The following RRAD variants were observed in gnomAD, a reference collection of about 807,000 sequenced individuals.
The protein encoded by RRAD is RRAD, Ras related glycolysis inhibitor and calcium channel regulator, also known as GTP-binding protein RAD.
Under a neutral mutation model 24.7 loss-of-function variants are expected in RRAD, and 15 were observed. That is an observed-to-expected ratio of 0.61 (90% confidence interval 0.41 to 0.93). RRAD has a LOEUF of 0.93. Among genes scored for constraint, RRAD ranks in the 40% least tolerant of loss-of-function variants. The pLI, the probability that RRAD is intolerant of heterozygous loss-of-function variation, is 0.00. For synonymous variants in RRAD, 180 were observed against 189.8 expected, an observed-to-expected ratio of 0.95 and a Z score of 0.43; for missense variants, 438 against 452.2, an observed-to-expected ratio of 0.97 and a Z score of 0.29.
chr16:66,924,051 G>A lies in RRAD; in HGVS notation c.371-132C>T, dbSNP rs1962956384. The A allele has an allele frequency of 1.1e-5, 8 of 757,934 alleles. No individual in the cohort carries two copies. The highest frequency in any genetic ancestry group is 1.4e-5 in the Non-Finnish European group (6 of 424,248). The allele number at this position is 757,934 out of a possible 1,614,324, so 47.0% of individuals were successfully genotyped here. A position where few individuals can be genotyped will look rare whatever the true frequency, so the allele number is the denominator to read the frequency against. On this transcript the variant is annotated intron_variant, in intron 2 of 4. Transcript: ENST00000299759. This position sits in a 1 kb window ranked among gnomAD's most constrained non-coding sequence, Gnocchi z 4.2. ...CCCTCCACTCCACTTGCAGATGCTG[G>A]TATGTGGCAACAGCAGTGCCAGGCA...
rs375358185 is a variant in RRAD, at chr16:66,923,392, C to T, written c.649+124G>A. On this transcript the variant is annotated intron_variant, in intron 4 of 4. Coordinates refer to ENST00000299759, the MANE Select transcript of RRAD (RefSeq NM_004165.3). This position sits in a 1 kb window ranked among gnomAD's most constrained non-coding sequence, Gnocchi z 4.9. Reference sequence around the variant, plus strand: ...ACCAGCTCTCTCCCATTTCCCTCCCCGCCAGTTTTCTTTCTGAACATTTTT... The same window carrying T: ...ACCAGCTCTCTCCCATTTCCCTCCCTGCCAGTTTTCTTTCTGAACATTTTT... 1.2e-5 allele frequency: 10 copies of T among 808,026 alleles called. No homozygotes were observed. The highest frequency in any genetic ancestry group is 2.6e-5 in the Admixed American group (1 of 39,054). The allele number at this position is 808,026 out of a possible 1,614,324, so 50.1% of individuals were successfully genotyped here.
Position 66,925,149 on chromosome 16 carries a change from C to A in RRAD, c.31G>T (p.Gly11Cys). 1 of 1,228,256 alleles carries A rather than the reference C, an allele frequency of 8.1e-7. No individual in the cohort carries two copies. The highest frequency in any genetic ancestry group is 3.2e-5 in the East Asian group (1 of 31,370). 76.1% of individuals were successfully genotyped at this position (1,228,256 alleles called of 1,614,324 possible). A position where few individuals can be genotyped will look rare whatever the true frequency, so the allele number is the denominator to read the frequency against. The change falls in exon 2 of 5, where the codon GGC (glycine) becomes TGC (cysteine). Residue 11 changes from glycine (G) to cysteine (C), a missense_variant. By Grantham distance (159) the Gly-to-Cys change is radical (BLOSUM62 -3). Coordinates refer to ENST00000299759, the MANE Select transcript of RRAD (RefSeq NM_004165.3). The surrounding 1 kb of genome is among the most constrained non-coding windows in gnomAD (Gnocchi z 5.2). MTLNGGGSGA[G>C]GSRGGGQERE... ...TCCTGGCCCCCACCGCGGCTCCCGC[C>A]CGCTCCGCTGCCGCCGCCGTTCAGG...
In RRAD at chr16:66,924,677, A is replaced by G. The variant is rs1962966276; in HGVS notation, c.370+133T>C. On this transcript the variant is annotated intron_variant, in intron 2 of 4. Coordinates refer to ENST00000299759, the MANE Select transcript of RRAD (RefSeq NM_004165.3). The surrounding 1 kb of genome is among the most constrained non-coding windows in gnomAD (Gnocchi z 4.2). The stretch of plus-strand genomic sequence containing the variant: ...CGAAACTCTGTCTCAAAATAATAAT[A>G]AAATAATAATAATAATAATAATAAC... 1.5e-6 allele frequency: 1 copy of G among 683,380 alleles called. No individual in the cohort carries two copies. The highest frequency in any genetic ancestry group is 3.0e-5 in the African/African-American group (1 of 33,892). The allele number at this position is 683,380 out of a possible 1,614,324, so 42.3% of individuals were successfully genotyped here. A position where few individuals can be genotyped will look rare whatever the true frequency, so the allele number is the denominator to read the frequency against.
chr16:66,924,809 C>T lies in RRAD; in HGVS notation c.370+1G>A. The stretch of plus-strand genomic sequence containing the variant: ...TCCCCTGAACAGCTGGGTCCCCTCA[C>T]CTGCTGCCTCTGCTTCAGGCCCGTC... On this transcript the variant is annotated splice_donor_variant, in intron 2 of 4. Coordinates refer to ENST00000299759, the MANE Select transcript of RRAD (RefSeq NM_004165.3). LOFTEE classifies it high-confidence loss of function. This position sits in a 1 kb window ranked among gnomAD's most constrained non-coding sequence, Gnocchi z 4.2. 1 of 1,549,150 alleles carries T rather than the reference C, an allele frequency of 6.5e-7. No homozygotes were observed. Among genetic ancestry groups the T allele is most frequent in the Non-Finnish European group, 8.7e-7 (1 of 1,147,202 alleles).
chr16:66,923,616 C>A lies in RRAD; in HGVS notation c.549G>T (p.Leu183=). The change falls in exon 4 of 5, where the codon CTG becomes CTT. Residue 183 remains leucine, a synonymous_variant. Coordinates refer to ENST00000299759, the MANE Select transcript of RRAD (RefSeq NM_004165.3). The surrounding 1 kb of genome is among the most constrained non-coding windows in gnomAD (Gnocchi z 4.9). ...DKGSFEKASE[L]RVQLRRARQT... ...GCCGTGCACGCCGCAGCTGGACCCGCAGTTCTGAGGCCTTCTCGAAGCTGC... is the reference window on the plus strand; with the variant it reads ...GCCGTGCACGCCGCAGCTGGACCCGAAGTTCTGAGGCCTTCTCGAAGCTGC... 6.2e-7 allele frequency: 1 copy of A among 1,614,004 alleles called. No individual in the cohort carries two copies. Among genetic ancestry groups the A allele is most frequent in the Non-Finnish European group, 8.5e-7 (1 of 1,180,016 alleles).
chr16:66,925,083 G>A lies in RRAD; in HGVS notation c.97C>T (p.Pro33Ser). 1 of 1,257,176 alleles carries A rather than the reference G, an allele frequency of 8.0e-7. No homozygotes were observed. Among genetic ancestry groups the A allele is most frequent in the Non-Finnish European group, 1.0e-6 (1 of 1,003,510 alleles). The allele number at this position is 1,257,176 out of a possible 1,614,324, so 77.9% of individuals were successfully genotyped here. ...RRGSTPWGPA[P>S]PLHRRSMPVD... ...GGCATGCTGCGGCGGTGCAGCGGCG[G>A]GGCGGGGCCCCAGGGTGTGCTGCCC... Residue 33 changes from proline to serine, a missense_variant, in exon 2 of 5, where the codon CCG (proline) becomes TCG (serine). Coordinates refer to ENST00000299759, the MANE Select transcript of RRAD (RefSeq NM_004165.3). This position sits in a 1 kb window ranked among gnomAD's most constrained non-coding sequence, Gnocchi z 5.2.
chr16:66,921,860 G>C lies in RRAD; in HGVS notation c.*216C>G, dbSNP rs1962916182. On this transcript the variant is annotated 3_prime_UTR_variant, in exon 5 of 5. Coordinates refer to ENST00000299759, the MANE Select transcript of RRAD (RefSeq NM_004165.3). ...CTGCTTGGGACGCATATGAGCCTGCGCATGCATCTCTGTGGGCCCAGCCCT... is the reference window on the plus strand; with the variant it reads ...CTGCTTGGGACGCATATGAGCCTGCCCATGCATCTCTGTGGGCCCAGCCCT... 1.8e-6 allele frequency: 1 copy of C among 552,340 alleles called. No individual in the cohort carries two copies. The allele number at this position is 552,340 out of a possible 1,614,324, so 34.2% of individuals were successfully genotyped here.
At position 66,924,679 on chromosome 16, in the gene RRAD, A is replaced by AAT. The variant is rs1962966612; in HGVS notation, c.370+129_370+130dup. 1.9e-6 allele frequency: 1 copy of AAT among 527,088 alleles called. No individual in the cohort carries two copies. The highest frequency in any genetic ancestry group is 2.5e-6 in the Non-Finnish European group (1 of 398,110). 32.7% of individuals were successfully genotyped at this position (527,088 alleles called of 1,614,324 possible). The stretch of plus-strand genomic sequence containing the variant: ...AAACTCTGTCTCAAAATAATAATAA[A>AAT]ATAATAATAATAATAATAATAACAA... On this transcript the variant is annotated intron_variant, in intron 2 of 4. Coordinates refer to ENST00000299759, the MANE Select transcript of RRAD (RefSeq NM_004165.3). The surrounding 1 kb of genome is among the most constrained non-coding windows in gnomAD (Gnocchi z 4.2).
At position 66,924,880 on chromosome 16, in the gene RRAD, G is replaced by A. The variant is rs748085076; in HGVS notation, c.300C>T (p.Pro100=). The A allele has an allele frequency of 1.3e-6, 2 of 1,586,542 alleles. No individual in the cohort carries two copies. The highest frequency in any genetic ancestry group is 1.7e-6 in the Non-Finnish European group (2 of 1,171,198). The stretch of plus-strand genomic sequence containing the variant: ...GCGCCAGGGCGCTCTTGCCCACGCC[G>A]GGCGCCCCCAGCAGCAGCACCTTGT... ...SVYKVLLLGA[P]GVGKSALARI... The change falls in exon 2 of 5, where the codon CCC becomes CCT. Residue 100 remains proline, a synonymous_variant. Transcript: ENST00000299759. This position sits in a 1 kb window ranked among gnomAD's most constrained non-coding sequence, Gnocchi z 4.2.
Position 66,923,824 on chromosome 16 carries a change from T to C in RRAD, c.444+22A>G, listed in dbSNP as rs965315515. 3.3e-5 allele frequency: 53 copies of C among 1,612,824 alleles called. No individual in the cohort carries two copies. Among genetic ancestry groups the C allele is most frequent in the Non-Finnish European group, 4.3e-5 (51 of 1,178,936 alleles). On this transcript the variant is annotated intron_variant, in intron 3 of 4. Transcript: ENST00000299759. This position sits in a 1 kb window ranked among gnomAD's most constrained non-coding sequence, Gnocchi z 4.9. ...CAACTCACTCCTCCCTCCCCTGCCC[T>C]GGGTCTCTGCTTGCACCCTACCTGC...
At chr16:66,922,905 TCTC>T (rs536303435) in intron 4 of RRAD, among the ~76,000 whole-genome samples, 54 of 152,254 alleles carry the variant, frequency 3.5e-4, no homozygotes, top group Non-Finnish European at 6.8e-4. Context: ...ATGGTCTCGA[TCTC>T]CTGACCTCGT....
intron 4 of RRAD, 144 bp from the exon 5 acceptor site, chr16:66,922,497 T>C: frequency 1.2e-6 from 1 of 806,206 alleles, no homozygotes; most frequent in East Asian, 2.7e-5. Flanking sequence ...GCTCCTGTAC[T>C]GAGGGTACTG....
chr16:66,921,994 C>G lies in RRAD; in HGVS notation c.*82G>C, dbSNP rs1264664381. Reference sequence around the variant, plus strand: ...CCGAGGGACCCAGAGTCTGAGCCTGCTCTGAGGCACCCGGGGCAGTTGGCT... The same window carrying G: ...CCGAGGGACCCAGAGTCTGAGCCTGGTCTGAGGCACCCGGGGCAGTTGGCT... On this transcript the variant is annotated 3_prime_UTR_variant, in exon 5 of 5. Coordinates refer to ENST00000299759, the MANE Select transcript of RRAD (RefSeq NM_004165.3). The G allele has an allele frequency of 7.4e-7, 1 of 1,348,760 alleles. No homozygotes were observed. The highest frequency in any genetic ancestry group is 1.0e-6 in the Non-Finnish European group (1 of 976,354). The allele number at this position is 1,348,760 out of a possible 1,614,324, so 83.5% of individuals were successfully genotyped here.
At chr16:66,922,490 C>G (rs999437167) in intron 4 of RRAD, 137 bp from the exon 5 acceptor site, 1 of 862,778 alleles carries the variant, frequency 1.2e-6, no homozygotes, top group African/African-American at 1.7e-5. Context: ...GACCCCAGCT[C>G]CTGTACTGAG....
chr16:66,921,976 AC>A lies in RRAD; in HGVS notation c.*99del. On this transcript the variant is annotated 3_prime_UTR_variant, in exon 5 of 5. Transcript: ENST00000299759. ...GGTGCCCGGCTGGCAGCTCCGAGGG[AC>A]CCAGAGTCTGAGCCTGCTCTGAGGC... The A allele has an allele frequency of 9.3e-7, 1 of 1,074,096 alleles. No homozygotes were observed. The highest frequency in any genetic ancestry group is 1.3e-6 in the Non-Finnish European group (1 of 743,690). 66.5% of individuals were successfully genotyped at this position (1,074,096 alleles called of 1,614,324 possible).
chr16:66,925,210 C>G lies in RRAD; in HGVS notation c.-15-16G>C. On this transcript the variant is annotated splice_polypyrimidine_tract_variant and intron_variant, in intron 1 of 4. Transcript: ENST00000299759. This position sits in a 1 kb window ranked among gnomAD's most constrained non-coding sequence, Gnocchi z 5.2. ...CCGGGACCGTCTAGGGGATCAGGAA[C>G]CCGAGTGGCCGTGTAAGCCGCGAGG... 1 of 1,243,786 alleles carries G rather than the reference C, an allele frequency of 8.0e-7. No individual in the cohort carries two copies. The highest frequency in any genetic ancestry group is 1.0e-6 in the Non-Finnish European group (1 of 993,928). The allele number at this position is 1,243,786 out of a possible 1,614,324, so 77.0% of individuals were successfully genotyped here. A position where few individuals can be genotyped will look rare whatever the true frequency, so the allele number is the denominator to read the frequency against.
rs557876865 is a variant in RRAD, at chr16:66,923,418, A to G, written c.649+98T>C. On this transcript the variant is annotated intron_variant, in intron 4 of 4. Coordinates refer to ENST00000299759, the MANE Select transcript of RRAD (RefSeq NM_004165.3). The surrounding 1 kb of genome is among the most constrained non-coding windows in gnomAD (Gnocchi z 4.9). ...GCCAGTTTTCTTTCTGAACATTTTT[A>G]GCCTCTGATGATCCCCAGGGACTCA... 8.2e-6 allele frequency: 8 copies of G among 977,412 alleles called. No homozygotes were observed. The South Asian group carries it at 9.1e-5, about 11-fold the overall frequency. 60.5% of individuals were successfully genotyped at this position (977,412 alleles called of 1,614,324 possible).
At chr16:66,922,624 G>C (rs987049202) in intron 4 of RRAD, among the ~76,000 whole-genome samples, 1 of 152,190 alleles carries the variant, frequency 6.6e-6, no homozygotes. Context: ...TTTAAACAAA[G>C]TACGACAGTA....
rs1309228714 is a variant in RRAD, at chr16:66,925,091, C to T, written c.89G>A (p.Gly30Asp). 5 of 1,242,292 alleles carry T rather than the reference C, an allele frequency of 4.0e-6. No individual in the cohort carries two copies. The African/African-American group carries it at 6.2e-5, about 16-fold the overall frequency. 77.0% of individuals were successfully genotyped at this position (1,242,292 alleles called of 1,614,324 possible). A position where few individuals can be genotyped will look rare whatever the true frequency, so the allele number is the denominator to read the frequency against. ...GCGGCGGTGCAGCGGCGGGGCGGGGCCCCAGGGTGTGCTGCCCCGACGGCG... is the reference window on the plus strand; with the variant it reads ...GCGGCGGTGCAGCGGCGGGGCGGGGTCCCAGGGTGTGCTGCCCCGACGGCG... Reference protein sequence around the residue: ...RERRRGSTPWGPAPPLHRRSM... With the variant: ...RERRRGSTPWDPAPPLHRRSM... The change falls in exon 2 of 5, where the codon GGC becomes GAC. Residue 30 changes from glycine (G) to aspartate (D), a missense_variant. By Grantham distance (94) the Gly-to-Asp change is moderately conservative. Transcript: ENST00000299759. The surrounding 1 kb of genome is among the most constrained non-coding windows in gnomAD (Gnocchi z 5.2).
Sources: gnomAD v4.1 joint callset for allele counts (sites outside exome capture counted in the v4.1 genomes callset) on GRCh38, gnomAD v4.1.1 for gene constraint, Gnocchi (gnomAD v3.1) non-coding constraint, MANE v1.5 for transcripts, NCBI Gene and HGNC (gene_info 2026-07-23, HGNC 2026-07-21) for gene names.